Variants in YWHAZ observed in about 807,000 individuals in gnomAD.
YWHAZ encodes the protein tyrosine 3-monooxygenase/tryptophan 5-monooxygenase activation protein zeta.
For synonymous variants in YWHAZ, 87 were observed against 103.6 expected (o/e 0.84, Z 0.97); for missense variants, 79 against 284.8 (o/e 0.28, Z 5.20).
chr8:100,950,657 T>TTGGGGGG lies in YWHAZ; in HGVS notation c.-12+1271_-12+1272insCCCCCCA, dbSNP rs71276929. On this transcript the variant is annotated intron_variant, in intron 1 of 5. Coordinates refer to ENST00000395958, the MANE Select transcript of YWHAZ (RefSeq NM_145690.3). ...GCAGCCCGCGCCCCCGCCCAAGCCGTGGGGGGGGGGGAGAGATGGGGAGCG... is the reference window on the plus strand; with the variant it reads ...GCAGCCCGCGCCCCCGCCCAAGCCGTTGGGGGGGGGGGGGGGGGAGAGATGGGGAGCG... 44 of 722,724 alleles carry TTGGGGGG rather than the reference T, an allele frequency of 6.1e-5. 5 individuals are homozygous for TTGGGGGG. The highest frequency in any genetic ancestry group is 1.4e-3 in the Middle Eastern group (2 of 1,422). The allele number at this position is 722,724 out of a possible 1,614,324, so 44.8% of individuals were successfully genotyped here. A position where few individuals can be genotyped will look rare whatever the true frequency, so the allele number is the denominator to read the frequency against.
Position 100,948,543 on chromosome 8 carries a change from G to A in YWHAZ, c.294+53C>T. 1 of 1,539,476 alleles carries A rather than the reference G, an allele frequency of 6.5e-7. No individual in the cohort carries two copies. The highest frequency in any genetic ancestry group is 2.0e-5 in the Admixed American group (1 of 49,888). On this transcript the variant is annotated intron_variant, in intron 2 of 5. Transcript: ENST00000395958. This position sits in a 1 kb window ranked among gnomAD's most constrained non-coding sequence, Gnocchi z 4.2. The stretch of plus-strand genomic sequence containing the variant: ...ACAAAAAGTTAAGAGTAATGTAACT[G>A]ATACTCATAGGGACCCTACAGTATA...
At chr8:100,928,263 G>C (rs939076161) in intron 2 of YWHAZ, among the ~76,000 whole-genome samples, 1 of 150,120 alleles carries the variant, frequency 6.7e-6, no homozygotes, top group Non-Finnish European at 1.5e-5. Flanking sequence ...CTGGGCAACA[G>C]AGTGAGACTC....
intron 1 of YWHAZ, chr8:100,951,708 G>C: frequency 1.0e-6 from 1 of 985,408 alleles, no homozygotes; most frequent in Non-Finnish European, 1.2e-6. Flanking sequence ...GCGCCGGGGC[G>C]TCGATGCGGA....
At chr8:100,941,327 A>AT (rs1192630276) in intron 2 of YWHAZ, among the ~76,000 whole-genome samples, 2 of 152,236 alleles carry the variant, frequency 1.3e-5, no homozygotes, top group Non-Finnish European at 2.9e-5. Flanking sequence ...CTGAGTGTTC[A>AT]TAAGTCTTGG....
chr8:100,941,750 A>G (rs1449482175), intron 2 of YWHAZ, among the ~76,000 whole-genome samples: 1 of 151,730 alleles, frequency 6.6e-6, no homozygotes, highest in Non-Finnish European at 1.5e-5. Context: ...GTGCCACTGC[A>G]CTCCAGCCTG....
Position 100,916,878 on chromosome 8 carries a change from T to C in YWHAZ, c.*3815A>G, listed in dbSNP as rs1190627248. 2 of 146,972 alleles carry C rather than the reference T, an allele frequency of 1.4e-5. No homozygotes were observed. The highest frequency in any genetic ancestry group is 3.0e-5 in the Non-Finnish European group (2 of 65,612). 9.1% of individuals were successfully genotyped at this position (146,972 alleles called of 1,614,324 possible). A position where few individuals can be genotyped will look rare whatever the true frequency, so the allele number is the denominator to read the frequency against. ...GTGACTACTACCAGTCACATAAAAG[T>C]ATTTAATTAGTTTCACACTTAGAAA... On this transcript the variant is annotated 3_prime_UTR_variant, in exon 6 of 6. Coordinates refer to ENST00000395958, the MANE Select transcript of YWHAZ (RefSeq NM_145690.3).
At chr8:100,952,792 C>A, upstream of YWHAZ, 2 of 1,000,028 alleles carry the variant, frequency 2.0e-6, no homozygotes, top group South Asian at 9.4e-5. Flanking sequence ...CCTTCCCCGG[C>A]TGGGCCGACC....
Position 100,919,322 on chromosome 8 carries a change from A to C in YWHAZ, c.*1371T>G, listed in dbSNP as rs1307808061. 1 of 152,698 alleles carries C rather than the reference A, an allele frequency of 6.5e-6. No homozygotes were observed. The highest frequency in any genetic ancestry group is 1.5e-5 in the Non-Finnish European group (1 of 68,048). 9.5% of individuals were successfully genotyped at this position (152,698 alleles called of 1,614,324 possible). On this transcript the variant is annotated 3_prime_UTR_variant, in exon 6 of 6. Transcript: ENST00000395958. ...AAACCAAAAAGTGATTTGGAAGCAC[A>C]AAACTTACAGTTAATGCTACCCAAT...
At chr8:100,940,608 A>G (rs1809764974) in intron 2 of YWHAZ, among the ~76,000 whole-genome samples, 1 of 152,270 alleles carries the variant, frequency 6.6e-6, no homozygotes, top group Non-Finnish European at 1.5e-5. Flanking sequence ...AATTTAATCC[A>G]AAATTTATAA....
intron 5 of YWHAZ, among the ~76,000 whole-genome samples, chr8:100,921,819 T>C (rs1264404632): frequency 6.6e-6 from 1 of 152,232 alleles, no homozygotes; most frequent in Non-Finnish European, 1.5e-5. Context: ...GTTAAAAATG[T>C]TGAAGTCTTA....
chr8:100,952,723 G>A, upstream of YWHAZ: 1 of 940,084 alleles, frequency 1.1e-6, no homozygotes. Flanking sequence ...GCAGGGCGCG[G>A]TCGCACGGCA....
At chr8:100,944,156 C>T (rs773135543) in intron 2 of YWHAZ, among the ~76,000 whole-genome samples, 2 of 152,064 alleles carry the variant, frequency 1.3e-5, no homozygotes, top group Non-Finnish European at 2.9e-5. Flanking sequence ...AGATATAACC[C>T]TACAGAGTTC....
intron 2 of YWHAZ, among the ~76,000 whole-genome samples, chr8:100,934,157 C>CAAA (rs35069019): frequency 0.021 from 1,655 of 78,130 alleles, 338 homozygotes; most frequent in African/African-American, 0.047. Flanking sequence ...AGACTCGTCT[C>CAAA]AAAAAAAAAA....
chr8:100,946,475 C>T (rs138040810), intron 2 of YWHAZ, among the ~76,000 whole-genome samples: 16 of 152,208 alleles, frequency 1.1e-4, no homozygotes, highest in Middle Eastern at 3.4e-3. Context: ...TGCTTGAACA[C>T]GGGAGGCGGA....
At chr8:100,950,385 C>T (rs1810623512) in intron 1 of YWHAZ, 3 of 985,538 alleles carry the variant, frequency 3.0e-6, no homozygotes, top group Non-Finnish European at 3.6e-6. Flanking sequence ...GCAGGACTCA[C>T]CGCACCCATT....
At position 100,948,482 on chromosome 8, in the gene YWHAZ, G is replaced by A; in HGVS notation, c.294+114C>T. The A allele has an allele frequency of 8.4e-7, 1 of 1,195,092 alleles. No individual in the cohort carries two copies. Among genetic ancestry groups the A allele is most frequent in the Non-Finnish European group, 1.2e-6 (1 of 857,318 alleles). 74.0% of individuals were successfully genotyped at this position (1,195,092 alleles called of 1,614,324 possible). The stretch of plus-strand genomic sequence containing the variant: ...TGACACCATGAAGACTTTTAAATTT[G>A]GAACACACAATGTTTAGAAGGAAAA... On this transcript the variant is annotated intron_variant, in intron 2 of 5. Transcript: ENST00000395958. The surrounding 1 kb of genome is among the most constrained non-coding windows in gnomAD (Gnocchi z 4.2).
At chr8:100,925,142 A>T (rs964919) in intron 2 of YWHAZ, 103 bp from the exon 3 acceptor site, 1,272,731 of 1,289,830 alleles carry the variant, frequency 0.99, 627,940 homozygotes, top group East Asian at 1. Flanking sequence ...TATAAAACTT[A>T]AACACCCAGT....
At chr8:100,952,857 C>T, upstream of YWHAZ, 1 of 1,000,390 alleles carries the variant, frequency 1.0e-6, no homozygotes, top group Non-Finnish European at 1.2e-6. Context: ...TACCTGCTGG[C>T]TCGGGGGAAG....
rs1051375483 is a variant in YWHAZ, at chr8:100,919,663, A to C, written c.*1030T>G. 8 of 152,670 alleles carry C rather than the reference A, an allele frequency of 5.2e-5. No individual in the cohort carries two copies. Among genetic ancestry groups the C allele is most frequent in the Middle Eastern group, 3.4e-3 (1 of 296 alleles). 9.5% of individuals were successfully genotyped at this position (152,670 alleles called of 1,614,324 possible). Reference sequence around the variant, plus strand: ...TAGAGAAGTTTCAGAACCAAGACTAATTTACATGAAAAGCTGTAGAGAAAG... The same window carrying C: ...TAGAGAAGTTTCAGAACCAAGACTACTTTACATGAAAAGCTGTAGAGAAAG... On this transcript the variant is annotated 3_prime_UTR_variant, in exon 6 of 6. Transcript: ENST00000395958.
Sources: gnomAD v4.1 joint callset for allele counts (sites outside exome capture counted in the v4.1 genomes callset) on GRCh38, gnomAD v4.1.1 for gene constraint, Gnocchi (gnomAD v3.1) non-coding constraint, MANE v1.5 for transcripts, NCBI Gene and HGNC (gene_info 2026-07-23, HGNC 2026-07-21) for gene names.